LRP1B: variants seen among roughly 807,000 people sequenced by gnomAD.
The protein encoded by LRP1B is low-density lipoprotein receptor-related protein 1B.
A neutral mutation model predicts 556.6 loss-of-function variants in LRP1B; 217 were observed. That is an observed-to-expected ratio of 0.39 (90% CI 0.35 to 0.44). The LOEUF (loss-of-function observed/expected upper bound fraction) is 0.44. Ranked by LOEUF, LRP1B falls within the 20% of genes least tolerant of loss-of-function variation. The probability of loss-of-function intolerance (pLI) is 1.00; values close to 1 mark genes in which losing one functional copy is unlikely to be tolerated. For missense variants in LRP1B, 5,053 were observed against 5,620.8 expected (o/e 0.90, Z 3.23); for synonymous variants, 2,047 against 1,865.8 (o/e 1.10, Z -2.50).
chr2:141,756,292 C>T (rs1694316071), intron 2 of LRP1B, among the ~76,000 whole-genome samples: 1 of 152,024 alleles, frequency 6.6e-6, no homozygotes, highest in African/African-American at 2.4e-5. Context: ...AACAACCCAA[C>T]CAGCCAGCTT....
At chr2:141,218,526 T>G (rs2105269842) in intron 6 of LRP1B, among the ~76,000 whole-genome samples, 1 of 152,242 alleles carries the variant, frequency 6.6e-6, no homozygotes, top group East Asian at 1.9e-4. Flanking sequence ...GTGAGTTACT[T>G]CAGAAACAGA....
At chr2:142,040,807 C>T (rs1317213389) in intron 1 of LRP1B, among the ~76,000 whole-genome samples, 1 of 151,060 alleles carries the variant, frequency 6.6e-6, no homozygotes, top group African/African-American at 2.4e-5. Context: ...ATGAGGTAAA[C>T]CTATTTTTTT....
intron 2 of LRP1B, among the ~76,000 whole-genome samples, chr2:141,538,750 T>C (rs1174706731): frequency 3.9e-5 from 6 of 152,108 alleles, no homozygotes; most frequent in Non-Finnish European, 1.5e-5. Context: ...GCAATTCTTG[T>C]GCTTTAGCCT....
At chr2:140,563,380 G>A (rs1342788763) in intron 43 of LRP1B, among the ~76,000 whole-genome samples, 1 of 151,602 alleles carries the variant, frequency 6.6e-6, no homozygotes, top group Non-Finnish European at 1.5e-5. Flanking sequence ...GATAATTCAA[G>A]CTATATAAAT....
intron 43 of LRP1B, among the ~76,000 whole-genome samples, chr2:140,559,021 C>T (rs911157556): frequency 6.6e-6 from 1 of 151,112 alleles, no homozygotes; most frequent in Admixed American, 6.6e-5. Flanking sequence ...GCTACAATAT[C>T]AAAAACATTT....
chr2:142,100,082 C>T (rs112696396), intron 1 of LRP1B, among the ~76,000 whole-genome samples: 1 of 152,028 alleles, frequency 6.6e-6, no homozygotes, highest in African/African-American at 2.4e-5. Flanking sequence ...GGGTTTTCTA[C>T]ATTTATAAAC....
intron 21 of LRP1B, among the ~76,000 whole-genome samples, chr2:140,919,095 G>C (rs1694664880): frequency 6.6e-6 from 1 of 151,770 alleles, no homozygotes; most frequent in Admixed American, 6.6e-5. Context: ...TTTTCATTTA[G>C]TCATGAATAA....
chr2:141,893,355 C>G (rs111817781), intron 1 of LRP1B, among the ~76,000 whole-genome samples: 1 of 152,040 alleles, frequency 6.6e-6, no homozygotes, highest in South Asian at 2.1e-4. Flanking sequence ...CGTGTGCCAC[C>G]GCACCTGGCT....
intron 7 of LRP1B, among the ~76,000 whole-genome samples, chr2:141,183,827 C>A (rs1681118315): frequency 6.6e-6 from 1 of 151,972 alleles, no homozygotes; most frequent in South Asian, 2.1e-4. Flanking sequence ...AATATATTTT[C>A]TCAAAATTTT....
chr2:141,672,337 G>T (rs1304767439), intron 2 of LRP1B, among the ~76,000 whole-genome samples: 2 of 152,074 alleles, frequency 1.3e-5, no homozygotes, highest in Non-Finnish European at 2.9e-5. Flanking sequence ...AGAGCTTGAG[G>T]GTCCCAGGGC....
At chr2:141,852,194 GAC>G (rs1697888528) in intron 1 of LRP1B, among the ~76,000 whole-genome samples, 1 of 151,678 alleles carries the variant, frequency 6.6e-6, no homozygotes, top group African/African-American at 2.4e-5. Context: ...AAAATCTAAT[GAC>G]ACTGCTATTT....
chr2:141,564,877 G>A (rs1419693545), intron 2 of LRP1B, among the ~76,000 whole-genome samples: 2 of 151,746 alleles, frequency 1.3e-5, no homozygotes, highest in East Asian at 3.9e-4. Context: ...GGTAATAAGG[G>A]TTTTTAAAAA....
chr2:141,185,689 A>C (rs1297328467), intron 7 of LRP1B, among the ~76,000 whole-genome samples: 1 of 142,094 alleles, frequency 7.0e-6, no homozygotes, highest in African/African-American at 2.8e-5. Context: ...CAAACAAACA[A>C]AAAAAAACAA....
intron 1 of LRP1B, among the ~76,000 whole-genome samples, chr2:142,096,251 A>T (rs1208585291): frequency 1.3e-5 from 2 of 151,630 alleles, no homozygotes; most frequent in Admixed American, 6.6e-5. Context: ...CCTTGTTCTC[A>T]GTCACACTAA....
chr2:140,659,161 T>G (rs1175082475), intron 41 of LRP1B, among the ~76,000 whole-genome samples: 1 of 148,648 alleles, frequency 6.7e-6, no homozygotes, highest in Non-Finnish European at 1.5e-5. Context: ...AAAAGACTCT[T>G]TACATGTTAT....
chr2:141,893,129 T>G (rs1019443264), intron 1 of LRP1B, among the ~76,000 whole-genome samples: 1 of 152,200 alleles, frequency 6.6e-6, no homozygotes, highest in Non-Finnish European at 1.5e-5. Context: ...TAGGAAATTT[T>G]GAAAATAATT....
intron 3 of LRP1B, among the ~76,000 whole-genome samples, chr2:141,269,714 A>C (rs948462627): frequency 6.6e-6 from 1 of 152,182 alleles, no homozygotes; most frequent in Non-Finnish European, 1.5e-5. Flanking sequence ...ACATTACATA[A>C]AATTCTTTTT....
At chr2:141,303,086 A>G (rs897837378) in intron 3 of LRP1B, among the ~76,000 whole-genome samples, 2 of 152,100 alleles carry the variant, frequency 1.3e-5, no homozygotes, top group Admixed American at 1.3e-4. Flanking sequence ...CCCATATGCT[A>G]ATTGGAGATC....
At chr2:142,031,509 CCA>C (rs965420147) in intron 1 of LRP1B, among the ~76,000 whole-genome samples, 17 of 111,482 alleles carry the variant, frequency 1.5e-4, no homozygotes, top group African/African-American at 5.6e-4. Flanking sequence ...ACCACAGTCC[CCA>C]GAGTGTGATA....
Sources: allele counts gnomAD v4.1 joint callset (sites outside exome capture counted in the v4.1 genomes callset), GRCh38; gene constraint gnomAD v4.1.1; transcripts MANE v1.5; gene names NCBI Gene and HGNC (gene_info 2026-07-23, HGNC 2026-07-21).